The following PCGF6 variants were observed in gnomAD, a reference collection of about 807,000 sequenced individuals.
PCGF6 encodes the protein polycomb group RING finger protein 6.
PCGF6 carries 24 observed loss-of-function variants against 45.5 expected under a neutral mutation model. The observed-to-expected ratio is 0.53, with a 90% CI of 0.38 to 0.74. The LOEUF (loss-of-function observed/expected upper bound fraction) is 0.74, where lower values mean the gene tolerates loss of function less well. PCGF6 is among the 30% of genes least tolerant of loss of function. The pLI is 0.00. For synonymous variants in PCGF6, 152 were observed against 162.1 expected (o/e 0.94, Z 0.47); for missense variants, 356 against 443.2 (o/e 0.80, Z 1.77).
At chr10:103,327,046 GGAGGCA>G (rs1390713968) in intron 7 of PCGF6, among the ~76,000 whole-genome samples, 1 of 152,162 alleles carries the variant, frequency 6.6e-6, no homozygotes, top group East Asian at 1.9e-4. Flanking sequence ...CAGCACTTTG[GGAGGCA>G]GAGGCAGGCA....
intron 9 of PCGF6, among the ~76,000 whole-genome samples, chr10:103,308,689 T>C (rs1333862226): frequency 1.3e-5 from 2 of 151,874 alleles, no homozygotes; most frequent in African/African-American, 4.8e-5. Context: ...CGGGGCAACA[T>C]GGTAAAACCC....
intron 9 of PCGF6, among the ~76,000 whole-genome samples, chr10:103,311,480 C>T (rs1292924527): frequency 2.0e-5 from 3 of 149,644 alleles, no homozygotes; most frequent in African/African-American, 4.9e-5. Context: ...GGTCCTGCTC[C>T]GTTGCCCAAG....
chr10:103,323,444 G>T (rs940695802), intron 8 of PCGF6, among the ~76,000 whole-genome samples: 2 of 151,996 alleles, frequency 1.3e-5, no homozygotes, highest in Admixed American at 1.3e-4. Flanking sequence ...TTACAAGCAT[G>T]CGCCACCACG....
At chr10:103,331,337 G>T (rs190080988) in intron 7 of PCGF6, among the ~76,000 whole-genome samples, 1 of 152,036 alleles carries the variant, frequency 6.6e-6, no homozygotes, top group Admixed American at 6.6e-5. Flanking sequence ...ACTTCGCCAA[G>T]TTCTCTGCCC....
chr10:103,343,330 T>A (rs1453767166), intron 6 of PCGF6, among the ~76,000 whole-genome samples: 3 of 151,570 alleles, frequency 2.0e-5, no homozygotes, highest in Non-Finnish European at 4.4e-5. Context: ...AGCCTAGAGT[T>A]ATAAAGAGAT....
At chr10:103,338,362 T>C (rs1463836734) in intron 6 of PCGF6, among the ~76,000 whole-genome samples, 6 of 151,034 alleles carry the variant, frequency 4.0e-5, no homozygotes, top group African/African-American at 1.5e-4. Flanking sequence ...GCTAACATGG[T>C]GAAACCCTGT....
chr10:103,330,168 G>A (rs1403382096), intron 7 of PCGF6, among the ~76,000 whole-genome samples: 2 of 151,724 alleles, frequency 1.3e-5, no homozygotes, highest in African/African-American at 2.4e-5. Context: ...TCTGCCTCCC[G>A]GGTTCAAGCA....
intron 5 of PCGF6, 44 bp from the exon 6 acceptor site, chr10:103,345,176 C>A: frequency 7.3e-7 from 1 of 1,365,974 alleles, no homozygotes; most frequent in African/African-American, 1.5e-5. Context: ...AATAAAAATG[C>A]CATAAATTGA....
At chr10:103,313,601 C>T (rs1055915127) in intron 9 of PCGF6, among the ~76,000 whole-genome samples, 7 of 151,292 alleles carry the variant, frequency 4.6e-5, no homozygotes, top group Admixed American at 3.3e-4. Context: ...TATACCAGTA[C>T]GAACAGTAGC....
chr10:103,347,715 T>A (rs1267152708), intron 3 of PCGF6, among the ~76,000 whole-genome samples: 1 of 152,136 alleles, frequency 6.6e-6, no homozygotes, highest in Non-Finnish European at 1.5e-5. Flanking sequence ...TGTGACAAGG[T>A]CTCACTTTTG....
intron 8 of PCGF6, among the ~76,000 whole-genome samples, chr10:103,316,053 T>C (rs1403806134): frequency 6.7e-6 from 1 of 149,084 alleles, no homozygotes; most frequent in Non-Finnish European, 1.5e-5. Flanking sequence ...GATATCTCAC[T>C]TAACTGGCTC....
intron 9 of PCGF6, among the ~76,000 whole-genome samples, chr10:103,307,409 C>G (rs956935376): frequency 6.6e-6 from 1 of 152,062 alleles, no homozygotes; most frequent in African/African-American, 2.4e-5. Context: ...TGCACTCCAA[C>G]CTGGGCAACA....
In PCGF6 at chr10:103,350,989, C is replaced by A; in HGVS notation, c.78G>T (p.Pro26=). 1.4e-6 allele frequency: 2 copies of A among 1,434,648 alleles called. No individual in the cohort carries two copies. Among genetic ancestry groups the A allele is most frequent in the Non-Finnish European group, 1.8e-6 (2 of 1,095,804 alleles). The allele number at this position is 1,434,648 out of a possible 1,614,324, so 88.9% of individuals were successfully genotyped here. ...KTEGAAALPP[P]PPVSPPALTP... is the part of the protein sequence containing the mutation. ...TGAGGGCGGGCGGGGAGACAGGAGG[C>A]GGAGGCGGCAAGGCTGCAGCTCCCT... Residue 26 remains proline, a synonymous_variant, in exon 1 of 10, where the codon CCG becomes CCT. Coordinates refer to ENST00000369847, the MANE Select transcript of PCGF6 (RefSeq NM_001011663.2).
rs1456690973 is a variant in PCGF6 at position 103,317,183 on chromosome 10, G to T, written c.910-2911C>A. Among the ~76,000 whole-genome samples the T allele has an allele frequency of 5.9e-5, 9 of 151,970 alleles. No homozygotes were observed. The East Asian group carries it at 1.7e-3, about 30-fold the overall frequency. On this transcript the variant is annotated intron_variant, in intron 8 of 9. Coordinates refer to ENST00000369847, the MANE Select transcript of PCGF6 (RefSeq NM_001011663.2). ...ACGCCACCACACTCGGCTAATTTTT[G>T]TATTTTTAGTGGAGATGGGATTTCC... is the stretch of plus-strand genomic sequence containing the variant.
chr10:103,314,167 G>A lies in PCGF6; in HGVS notation c.996+19C>T, dbSNP rs747077388. ...ACTAAGTAACTTATCTGTTAGACAT[G>A]GGTATGTCTATAACCTACCTGCATT... On this transcript the variant is annotated intron_variant, in intron 9 of 9. Transcript: ENST00000369847. The A allele has an allele frequency of 6.8e-7, 1 of 1,479,886 alleles. No homozygotes were observed. Among genetic ancestry groups the A allele is most frequent in the Non-Finnish European group, 9.3e-7 (1 of 1,076,948 alleles). 91.7% of individuals were successfully genotyped at this position (1,479,886 alleles called of 1,614,324 possible).
At chr10:103,322,136 T>C (rs1410279119) in intron 8 of PCGF6, among the ~76,000 whole-genome samples, 2 of 152,122 alleles carry the variant, frequency 1.3e-5, no homozygotes, top group Non-Finnish European at 2.9e-5. Context: ...CCTCAGGTGA[T>C]CCACCCACCT....
At chr10:103,344,603 C>T (rs2093292809) in intron 6 of PCGF6, among the ~76,000 whole-genome samples, 1 of 150,024 alleles carries the variant, frequency 6.7e-6, no homozygotes, top group African/African-American at 2.5e-5. Context: ...GCTCTTGTCG[C>T]CTAGGCTGGA....
At chr10:103,335,564 T>C (rs921313149) in intron 6 of PCGF6, among the ~76,000 whole-genome samples, 14 of 152,054 alleles carry the variant, frequency 9.2e-5, no homozygotes, top group African/African-American at 2.7e-4. Flanking sequence ...GGTTTCACCA[T>C]GTTGTTCAGG....
rs576215870 is a variant in PCGF6, at chr10:103,332,808, G to A, written c.810+1117C>T. 1.8e-4 allele frequency among the ~76,000 whole-genome samples: 27 copies of A among 152,186 alleles called. No individual in the cohort carries two copies. The South Asian group carries it at 5.0e-3, about 28-fold the overall frequency. ...TTTTACAACTTAGAAGAGGTTCAAC[G>A]CTATCAAAAATCATGGGGATTTATG... is the stretch of plus-strand genomic sequence containing the variant. On this transcript the variant is annotated intron_variant, in intron 7 of 9. Coordinates refer to ENST00000369847, the MANE Select transcript of PCGF6 (RefSeq NM_001011663.2).
Sources: allele counts gnomAD v4.1 joint callset (sites outside exome capture counted in the v4.1 genomes callset), GRCh38; gene constraint gnomAD v4.1.1; transcripts MANE v1.5; gene names NCBI Gene and HGNC (gene_info 2026-07-23, HGNC 2026-07-21).